Variants in DNPEP observed in about 807,000 individuals in gnomAD.
DNPEP encodes aspartyl aminopeptidase.
Under a neutral mutation model 59.1 loss-of-function variants are expected in DNPEP, and 46 were observed. That is an observed-to-expected ratio of 0.78 (90% CI 0.61 to 0.99). The LOEUF (loss-of-function observed/expected upper bound fraction) is 0.99. Among genes scored for constraint, DNPEP ranks in the 50% least tolerant of loss-of-function variants. The pLI is 0.00. For missense variants in DNPEP, 617 were observed against 649.9 expected, an observed-to-expected ratio of 0.95 and a Z score of 0.55; for synonymous variants, 229 against 242.2, an observed-to-expected ratio of 0.95 and a Z score of 0.50.
intron 9 of DNPEP, 111 bp downstream of exon 9, chr2:219,384,255 A>C: frequency 1.0e-6 from 1 of 995,838 alleles, no homozygotes; most frequent in Non-Finnish European, 1.5e-6. Flanking sequence ...CTGAGCGGGT[A>C]GACAATGGCC....
rs775235308 is a variant in DNPEP, at chr2:219,386,659, C to T, written c.333+6G>A. 6.2e-7 allele frequency: 1 copy of T among 1,608,866 alleles called. No homozygotes were observed. The highest frequency in any genetic ancestry group is 2.2e-5 in the East Asian group (1 of 44,788). The stretch of plus-strand genomic sequence containing the variant: ...CTCCCACCCCAACACCGTCCGAGTT[C>T]CTTACCCGGAGGCAGGGGCTGTCCG... On this transcript the variant is annotated splice_donor_region_variant and intron_variant, in intron 4 of 14. Coordinates refer to ENST00000273075, the MANE Select transcript of DNPEP (RefSeq NM_012100.4).
chr2:219,375,809 C>T (rs992162866), intron 13 of DNPEP, among the ~76,000 whole-genome samples: 4 of 152,064 alleles, frequency 2.6e-5, no homozygotes, highest in Non-Finnish European at 5.9e-5. Context: ...TGATCCACTA[C>T]CTCTCAAAGT....
At chr2:219,384,596 T>A in intron 8 of DNPEP, 153 bp from the exon 9 acceptor site, 1 of 481,828 alleles carries the variant, frequency 2.1e-6, no homozygotes, top group Non-Finnish European at 3.9e-6. Flanking sequence ...GAGATGAAGG[T>A]TCGCTCTTGT....
intron 9 of DNPEP, among the ~76,000 whole-genome samples, 198 bp from the exon 10 acceptor site, chr2:219,383,412 CT>C (rs1478664962): frequency 2.0e-5 from 3 of 151,834 alleles, no homozygotes; most frequent in Non-Finnish European, 4.4e-5. Flanking sequence ...CCTTTTTTTT[CT>C]TGCCAAATAA....
At chr2:219,393,782 C>T (rs1251448406), upstream of DNPEP, 5 of 152,160 alleles carry the variant, frequency 3.3e-5, no homozygotes, top group Admixed American at 6.5e-5. Context: ...AGAGAATTTC[C>T]GCAAGTTTTA....
intron 1 of DNPEP, among the ~76,000 whole-genome samples, chr2:219,394,410 C>T (rs1451726912): frequency 6.6e-6 from 1 of 152,190 alleles, no homozygotes; most frequent in African/African-American, 2.4e-5. Flanking sequence ...TCCTCCTCAT[C>T]TCCCATCTTT....
chr2:219,376,981 G>A (rs1448362593), intron 13 of DNPEP, among the ~76,000 whole-genome samples: 1 of 151,942 alleles, frequency 6.6e-6, no homozygotes, highest in Non-Finnish European at 1.5e-5. Context: ...AGCCCAAAAT[G>A]TTTAACTTGA....
chr2:219,376,269 CAT>C (rs1953367043), intron 13 of DNPEP, among the ~76,000 whole-genome samples: 1 of 152,154 alleles, frequency 6.6e-6, no homozygotes, highest in African/African-American at 2.4e-5. Context: ...GTGCAGATCA[CAT>C]GATTCCAGGA....
In DNPEP at chr2:219,399,770, C is replaced by T. The variant is rs1575005446; in HGVS notation, c.-158+170G>A. 1.1e-5 allele frequency: 11 copies of T among 996,128 alleles called. No homozygotes were observed. The East Asian group carries it at 2.9e-4, about 26-fold the overall frequency. The allele number at this position is 996,128 out of a possible 1,614,324, so 61.7% of individuals were successfully genotyped here. On this transcript the variant is annotated intron_variant, in intron 1 of 6. Coordinates refer to the DNPEP transcript ENST00000434339. ...ACCCTATTTCATTCATCTCTTTATC[C>T]CCATAATGCCTAAGCCAGTGCGTGG...
At chr2:219,388,013 G>A (rs1488410303), upstream of DNPEP, 7 of 1,112,402 alleles carry the variant, frequency 6.3e-6, no homozygotes, top group Non-Finnish European at 8.1e-6. Context: ...CCCCTCGGCG[G>A]GCTTACCCTG....
chr2:219,383,183 G>A lies in DNPEP; in HGVS notation c.884C>T (p.Ser295Phe), dbSNP rs777130888. Residue 295 changes from serine to phenylalanine, a missense_variant, in exon 10 of 15, where the codon TCC (serine) becomes TTC (phenylalanine). Coordinates refer to ENST00000273075, the MANE Select transcript of DNPEP (RefSeq NM_012100.4). ...ALIDSCAGPG[S>F]LATEPHVRMV... The stretch of plus-strand genomic sequence containing the variant: ...GCGCACGTGAGGCTCTGTGGCCAGG[G>A]AGCCAGGGCCTGCACAGGAATCTAT... The A allele has an allele frequency of 5.6e-6, 9 of 1,614,208 alleles. No individual in the cohort carries two copies. In the Admixed American group the frequency reaches 1.5e-4, roughly 27 times the overall value.
chr2:219,388,579 G>T, upstream of DNPEP: 1 of 489,892 alleles, frequency 2.0e-6, no homozygotes, highest in Non-Finnish European at 2.7e-6. Flanking sequence ...CACCCACGCC[G>T]CGCGACCCGC....
chr2:219,376,907 C>G (rs2125126734), intron 13 of DNPEP, among the ~76,000 whole-genome samples: 1 of 152,042 alleles, frequency 6.6e-6, no homozygotes, highest in South Asian at 2.1e-4. Flanking sequence ...CTTTGCAAGG[C>G]TAAGGGTGGC....
chr2:219,380,825 T>C (rs1953561830), intron 13 of DNPEP, among the ~76,000 whole-genome samples: 1 of 22,840 alleles, frequency 4.4e-5, no homozygotes, highest in African/African-American at 7.8e-5. Flanking sequence ...TACATACATG[T>C]ATACAACATA....
chr2:219,383,039 A>G (rs1559336484), intron 10 of DNPEP, 92 bp downstream of exon 10: 2 of 1,226,774 alleles, frequency 1.6e-6, no homozygotes, highest in African/African-American at 1.5e-5. Flanking sequence ...TGGGGCCCCC[A>G]GAAGAGCCCT....
chr2:219,387,671 C>T (rs1231549515), intron 1 of DNPEP, 88 bp downstream of exon 1: 1 of 1,583,926 alleles, frequency 6.3e-7, no homozygotes, highest in Non-Finnish European at 8.6e-7. Flanking sequence ...GGCGGCCCCA[C>T]TGCAGCACCG....
chr2:219,397,804 G>T (rs1954123687), intron 1 of DNPEP, among the ~76,000 whole-genome samples: 1 of 152,102 alleles, frequency 6.6e-6, no homozygotes, highest in African/African-American at 2.4e-5. Flanking sequence ...TGGCCAGGCT[G>T]TTCTTAAACT....
At chr2:219,383,649 G>A (rs1460149075) in intron 9 of DNPEP, among the ~76,000 whole-genome samples, 1 of 152,084 alleles carries the variant, frequency 6.6e-6, no homozygotes, top group Non-Finnish European at 1.5e-5. Flanking sequence ...AAGCCAAAAG[G>A]CTACACACAT....
chr2:219,380,144 G>A (rs1015236632), intron 13 of DNPEP, among the ~76,000 whole-genome samples: 3 of 151,610 alleles, frequency 2.0e-5, no homozygotes, highest in Non-Finnish European at 2.9e-5. Context: ...GCCCTATACA[G>A]GTGGACCATT....
Sources: allele counts gnomAD v4.1 joint callset (sites outside exome capture counted in the v4.1 genomes callset), GRCh38; gene constraint gnomAD v4.1.1; transcripts MANE v1.5; gene names NCBI Gene and HGNC (gene_info 2026-07-23, HGNC 2026-07-21).